The following BACH1 variants were observed in gnomAD, a reference collection of about 807,000 sequenced individuals.
BACH1 encodes transcription regulator protein BACH1.
BACH1 carries 35 observed loss-of-function variants against 52.9 expected under a neutral mutation model. That is an observed-to-expected ratio of 0.66 (90% CI 0.51 to 0.88). The LOEUF (loss-of-function observed/expected upper bound fraction) is 0.88. Among genes scored for constraint, BACH1 ranks in the 40% least tolerant of loss-of-function variants. BACH1 has a pLI of 0.00. For missense variants in BACH1, 808 were observed against 872.6 expected, an observed-to-expected ratio of 0.93 and a Z score of 0.93; for synonymous variants, 321 against 319.6, an observed-to-expected ratio of 1.00 and a Z score of -0.05.
chr21:29,357,627 A>G (rs966516236), intron 2 of BACH1, among the ~76,000 whole-genome samples: 3 of 152,192 alleles, frequency 2.0e-5, no homozygotes, highest in Admixed American at 1.3e-4. Context: ...GGCCACCGCC[A>G]CAACTACCCT....
rs142632189 is a variant in BACH1 at position 29,321,491 on chromosome 21, C to G, written c.211C>G (p.Leu71Val). 2.6e-5 allele frequency: 42 copies of G among 1,613,930 alleles called. No homozygotes were observed. Among genetic ancestry groups the G allele is most frequent in the Non-Finnish European group, 3.5e-5 (41 of 1,179,940 alleles). Reference protein sequence around the residue: ...SRIVGQADGELNITLPEEVTV... With the variant: ...SRIVGQADGEVNITLPEEVTV... ...AATCGTAGGCCAGGCTGATGGAGAG[C>G]TGAACATTACTCTTCCAGAAGAGGT... The change falls in exon 2 of 5, where the codon CTG becomes GTG. Residue 71 changes from leucine to valine, a missense_variant. Transcript: ENST00000286800.
intron 1 of BACH1, among the ~76,000 whole-genome samples, chr21:29,311,156 T>C (rs1224318848): frequency 1.3e-5 from 2 of 152,218 alleles, no homozygotes; most frequent in African/African-American, 4.8e-5. Context: ...TTCACCAGTA[T>C]TAAATAGTAT....
chr21:29,357,836 C>G (rs938273685), intron 2 of BACH1, among the ~76,000 whole-genome samples: 1 of 152,176 alleles, frequency 6.6e-6, no homozygotes, highest in Non-Finnish European at 1.5e-5. Flanking sequence ...GCCCAGACTT[C>G]AGGGTTGATT....
At position 29,342,620 on chromosome 21, in the gene BACH1, A is replaced by G; in HGVS notation, c.1998A>G (p.Leu666=). ...DKSTPDGELA[L]PSIFSLSDRP... is the part of the protein sequence containing the mutation. ...GTACTCCTGATGGTGAACTGGCGTT[A>G]CCATCAATTTTCAGTTTATCTGACC... The change falls in exon 5 of 5, where the codon TTA becomes TTG. Residue 666 remains leucine (L), a synonymous_variant. Transcript: ENST00000286800. 1.2e-6 allele frequency: 2 copies of G among 1,614,212 alleles called. No homozygotes were observed. Among genetic ancestry groups the G allele is most frequent in the Non-Finnish European group, 1.7e-6 (2 of 1,180,042 alleles).
chr21:29,338,629 A>G (rs998359076), intron 4 of BACH1, among the ~76,000 whole-genome samples: 4 of 152,162 alleles, frequency 2.6e-5, no homozygotes, highest in Admixed American at 6.5e-5. Context: ...TTGGCCTCCC[A>G]AAGTGCTGAG....
chr21:29,325,919 G>T (rs1453189229), intron 2 of BACH1, 140 bp from the exon 3 acceptor site: 1 of 936,612 alleles, frequency 1.1e-6, no homozygotes, highest in East Asian at 2.8e-5. Context: ...AGAAGAATAT[G>T]TTTTCTTCAA....
chr21:29,313,295 G>A (rs1041662469), intron 1 of BACH1, among the ~76,000 whole-genome samples: 1 of 152,194 alleles, frequency 6.6e-6, no homozygotes, highest in African/African-American at 2.4e-5. Flanking sequence ...CTTACGTAGA[G>A]CATTCTAATT....
At chr21:29,308,261 G>A (rs922528468) in intron 1 of BACH1, among the ~76,000 whole-genome samples, 1 of 152,312 alleles carries the variant, frequency 6.6e-6, no homozygotes, top group Admixed American at 6.5e-5. Context: ...AAGTTAAATA[G>A]TAAAAAATAG....
intron 1 of BACH1, among the ~76,000 whole-genome samples, chr21:29,308,858 G>A (rs902099288): frequency 1.3e-5 from 2 of 152,196 alleles, no homozygotes; most frequent in African/African-American, 4.8e-5. Context: ...TATGTAGTAT[G>A]TATAACTATA....
intron 4 of BACH1, among the ~76,000 whole-genome samples, chr21:29,335,839 C>A (rs1437860933): frequency 6.6e-6 from 1 of 152,146 alleles, no homozygotes; most frequent in Non-Finnish European, 1.5e-5. Context: ...TCCTGTCCTG[C>A]TGTCTTGCTG....
At chr21:29,336,733 G>A (rs2089049705) in intron 4 of BACH1, among the ~76,000 whole-genome samples, 2 of 151,720 alleles carry the variant, frequency 1.3e-5, no homozygotes, top group African/African-American at 2.4e-5. Flanking sequence ...GTGCAGTGGC[G>A]TGATCTCAGC....
intron 1 of BACH1, among the ~76,000 whole-genome samples, chr21:29,318,524 T>G (rs1378688630): frequency 6.6e-6 from 1 of 152,222 alleles, no homozygotes; most frequent in Non-Finnish European, 1.5e-5. Flanking sequence ...CTGACAGGAC[T>G]TGGGGTTGGC....
chr21:29,341,757 A>G (rs1053719205), intron 4 of BACH1, among the ~76,000 whole-genome samples: 1 of 152,236 alleles, frequency 6.6e-6, no homozygotes, highest in Non-Finnish European at 1.5e-5. Context: ...GCTTAAATCA[A>G]GAGAGGTGTT....
At chr21:29,358,759 G>GA (rs371403471) in intron 2 of BACH1, among the ~76,000 whole-genome samples, 4 of 78,454 alleles carry the variant, frequency 5.1e-5, no homozygotes, top group African/African-American at 1.9e-4. Context: ...GAAAAGAAAA[G>GA]AAAAGAAAAG....
intron 2 of BACH1, among the ~76,000 whole-genome samples, chr21:29,352,369 A>C (rs2086212852): frequency 6.6e-6 from 1 of 152,100 alleles, no homozygotes; most frequent in African/African-American, 2.4e-5. Flanking sequence ...CTAGTTTTGA[A>C]GCCTGGTTTT....
intron 2 of BACH1, among the ~76,000 whole-genome samples, chr21:29,358,813 A>AGAAG (rs1555888632): frequency 1.2e-5 from 1 of 80,818 alleles, no homozygotes; most frequent in East Asian, 2.6e-4. Context: ...AAAGAAAGAA[A>AGAAG]GAAGAAAGAA....
chr21:29,326,542 CGTA>C lies in BACH1; in HGVS notation c.719_721del (p.Arg240_Thr241delinsPro). The C allele has an allele frequency of 1.2e-6, 2 of 1,614,144 alleles. No homozygotes were observed. The highest frequency in any genetic ancestry group is 1.7e-6 in the Non-Finnish European group (2 of 1,180,026). ...AAAAGCATTTGGAACTGACAGAGTC[CGTA>C]CTGGGGAATCTAGTGTCAAAGACAT... On this transcript the variant is annotated inframe_deletion, in exon 3 of 5. Transcript: ENST00000286800.
intron 1 of BACH1, among the ~76,000 whole-genome samples, chr21:29,300,416 A>G (rs965655928): frequency 7.2e-5 from 11 of 152,064 alleles, no homozygotes; most frequent in Admixed American, 6.6e-4. Context: ...CGCTCTAGAG[A>G]GGTTGCTTCA....
At position 29,345,081 on chromosome 21, in the gene BACH1, TTAAA is replaced by T. The variant is rs549572982; in HGVS notation, c.*2251_*2254del. ...TAATTTCTTAAAATTTAGCATTACT[TTAAA>T]TAGCCAGCATGTAATACAAGTAACT... On this transcript the variant is annotated 3_prime_UTR_variant, in exon 5 of 5. Transcript: ENST00000286800. The T allele has an allele frequency of 2.2e-4, 33 of 152,764 alleles. No individual in the cohort carries two copies. The East Asian group carries it at 3.9e-3, about 18-fold the overall frequency. The allele number at this position is 152,764 out of a possible 1,614,324, so 9.5% of individuals were successfully genotyped here.
Sources: allele counts gnomAD v4.1 joint callset (sites outside exome capture counted in the v4.1 genomes callset), GRCh38; gene constraint gnomAD v4.1.1; transcripts MANE v1.5; gene names NCBI Gene and HGNC (gene_info 2026-07-23, HGNC 2026-07-21).